Variants in NRXN1 observed in about 807,000 individuals in gnomAD.
NRXN1 encodes neurexin-1.
A neutral mutation model predicts 150.9 loss-of-function variants in NRXN1; 39 were observed. The ratio of observed to expected loss-of-function variants is 0.26; its 90% confidence interval spans 0.20 to 0.34. The LOEUF (loss-of-function observed/expected upper bound fraction) is 0.34, where lower values mean the gene tolerates loss of function less well. Among genes scored for constraint, NRXN1 ranks in the 10% least tolerant of loss-of-function variants. The pLI, the probability that NRXN1 is intolerant of heterozygous loss-of-function variation, is 1.00. For synonymous variants in NRXN1, 924 were observed against 757.0 expected, an observed-to-expected ratio of 1.22 and a Z score of -3.62; for missense variants, 1,815 against 1,949.9, an observed-to-expected ratio of 0.93 and a Z score of 1.30.
chr2:50,857,595 G>A (rs1675457554), intron 5 of NRXN1, among the ~76,000 whole-genome samples: 1 of 152,012 alleles, frequency 6.6e-6, no homozygotes, highest in African/African-American at 2.4e-5. Context: ...TTTGAAGAAA[G>A]ATATACAAAG....
chr2:50,729,885 A>C (rs1302634740), intron 5 of NRXN1, among the ~76,000 whole-genome samples: 1 of 152,146 alleles, frequency 6.6e-6, no homozygotes, highest in East Asian at 1.9e-4. Context: ...TGGATCCCTC[A>C]CACTCACAGG....
At chr2:50,123,023 T>A (rs993175382) in intron 18 of NRXN1, among the ~76,000 whole-genome samples, 5 of 152,204 alleles carry the variant, frequency 3.3e-5, no homozygotes, top group Admixed American at 6.5e-5. Context: ...TAATACTCAA[T>A]TTATTAGTAG....
chr2:49,995,352 T>A (rs1252836077), intron 21 of NRXN1, among the ~76,000 whole-genome samples: 3 of 152,118 alleles, frequency 2.0e-5, no homozygotes, highest in Admixed American at 1.3e-4. Flanking sequence ...ATTATAGGGG[T>A]GTTGAAATTT....
At chr2:50,745,995 C>T (rs1699981125) in intron 5 of NRXN1, among the ~76,000 whole-genome samples, 4 of 152,108 alleles carry the variant, frequency 2.6e-5, no homozygotes, top group Admixed American at 2.6e-4. Flanking sequence ...ACAACTAGCC[C>T]AGCCTCTTCT....
chr2:50,431,427 T>A (rs901665081), intron 17 of NRXN1, among the ~76,000 whole-genome samples: 6 of 152,222 alleles, frequency 3.9e-5, no homozygotes, highest in African/African-American at 1.2e-4. Context: ...CATCATTCCA[T>A]TGCCTGAGAT....
rs2078153749 is a variant in NRXN1, at chr2:50,347,834, C to G, written c.3365-110864G>C. ...GTCTCCAAACAGCAAATCACTGAAGCTCGGATGCAATGCAGAGGACGAGCC... is the reference window on the plus strand; with the variant it reads ...GTCTCCAAACAGCAAATCACTGAAGGTCGGATGCAATGCAGAGGACGAGCC... On this transcript the variant is annotated intron_variant, in intron 17 of 22. Transcript: ENST00000401669. The surrounding 1 kb of genome is among the most constrained non-coding windows in gnomAD (Gnocchi z 4.9). 1 of 985,448 alleles carries G rather than the reference C, an allele frequency of 1.0e-6. No individual in the cohort carries two copies. The highest frequency in any genetic ancestry group is 1.7e-5 in the African/African-American group (1 of 57,248). The allele number at this position is 985,448 out of a possible 1,614,324, so 61.0% of individuals were successfully genotyped here. A position where few individuals can be genotyped will look rare whatever the true frequency, so the allele number is the denominator to read the frequency against.
intron 5 of NRXN1, among the ~76,000 whole-genome samples, chr2:50,911,478 T>C (rs900177149): frequency 6.6e-6 from 1 of 151,930 alleles, no homozygotes; most frequent in African/African-American, 2.4e-5. Context: ...CTATTATTTT[T>C]CAGTAGAATC....
chr2:50,836,545 C>A (rs985408682), intron 5 of NRXN1, among the ~76,000 whole-genome samples: 2 of 152,002 alleles, frequency 1.3e-5, no homozygotes, highest in African/African-American at 4.8e-5. Context: ...TTTTTAGATT[C>A]CACCCGTAAG....
chr2:50,465,794 T>C (rs773986453), intron 16 of NRXN1, among the ~76,000 whole-genome samples: 1 of 151,822 alleles, frequency 6.6e-6, no homozygotes, highest in African/African-American at 2.4e-5. Context: ...AACCAACAAA[T>C]AGCAAAAACA....
At chr2:50,029,324 A>G (rs1688842716) in intron 21 of NRXN1, among the ~76,000 whole-genome samples, 1 of 152,208 alleles carries the variant, frequency 6.6e-6, no homozygotes, top group Admixed American at 6.5e-5. Flanking sequence ...ATTTTGTTAT[A>G]GCAGCCCTAT....
chr2:50,792,255 T>C (rs898665306), intron 5 of NRXN1, among the ~76,000 whole-genome samples: 7 of 152,136 alleles, frequency 4.6e-5, no homozygotes, highest in Non-Finnish European at 1.0e-4. Context: ...AACATAAATC[T>C]TGAATTTTAC....
At chr2:50,297,979 A>G (rs2073782575) in intron 17 of NRXN1, among the ~76,000 whole-genome samples, 2 of 152,176 alleles carry the variant, frequency 1.3e-5, no homozygotes, top group Admixed American at 1.3e-4. Context: ...CAGGGTTTGT[A>G]TCCTCCTTAC....
intron 22 of NRXN1, among the ~76,000 whole-genome samples, chr2:49,937,939 A>G (rs1671335124): frequency 6.6e-6 from 1 of 152,188 alleles, no homozygotes; most frequent in Admixed American, 6.6e-5. Context: ...TTCAATATAC[A>G]TATCTTTATT....
chr2:50,742,292 C>CAG (rs1699523797), intron 5 of NRXN1, among the ~76,000 whole-genome samples: 1 of 150,392 alleles, frequency 6.6e-6, no homozygotes, highest in Non-Finnish European at 1.5e-5. Flanking sequence ...TTTTTCTTTT[C>CAG]TGCCCTTAAA....
chr2:50,891,741 T>C (rs1681095277), intron 5 of NRXN1, among the ~76,000 whole-genome samples: 1 of 152,138 alleles, frequency 6.6e-6, no homozygotes, highest in Non-Finnish European at 1.5e-5. Context: ...TCTCTTGGAA[T>C]GGGAATGTAC....
chr2:50,818,472 A>G (rs1275122822), intron 5 of NRXN1, among the ~76,000 whole-genome samples: 1 of 151,898 alleles, frequency 6.6e-6, no homozygotes. Flanking sequence ...TTTATTGTAT[A>G]TATCCATATG....
At position 51,003,088 on chromosome 2, in the gene NRXN1, A is replaced by G. The variant is rs560290999; in HGVS notation, c.772+24414T>C. On this transcript the variant is annotated intron_variant, in intron 2 of 22. Coordinates refer to ENST00000401669, the MANE Select transcript of NRXN1 (RefSeq NM_001330078.2). ...AGGAGGAAACACTTAACTTATTACTATCCAAGAATATCCTAAAATTCTACT... is the reference window on the plus strand; with the variant it reads ...AGGAGGAAACACTTAACTTATTACTGTCCAAGAATATCCTAAAATTCTACT... Among the ~76,000 whole-genome samples, 6 of 152,072 alleles carry G rather than the reference A, an allele frequency of 3.9e-5. No homozygotes were observed. The East Asian group carries it at 7.8e-4, about 20-fold the overall frequency.
intron 2 of NRXN1, among the ~76,000 whole-genome samples, chr2:51,001,384 A>G (rs1475672665): frequency 6.6e-6 from 1 of 151,952 alleles, no homozygotes; most frequent in Non-Finnish European, 1.5e-5. Context: ...TTTCCAAAAC[A>G]GCAATTTGAT....
intron 5 of NRXN1, among the ~76,000 whole-genome samples, chr2:50,829,999 GAAAAAAAAAAA>G (rs572758147): frequency 2.1e-4 from 12 of 58,178 alleles, no homozygotes; most frequent in African/African-American, 3.1e-4. Context: ...CTGCCTGCTG[GAAAAAAAAAAA>G]AAAAAAAAAA....
Sources: gnomAD v4.1 joint callset for allele counts (sites outside exome capture counted in the v4.1 genomes callset) on GRCh38, gnomAD v4.1.1 for gene constraint, Gnocchi (gnomAD v3.1) non-coding constraint, MANE v1.5 for transcripts, NCBI Gene and HGNC (gene_info 2026-07-23, HGNC 2026-07-21) for gene names.